Variants in RABGAP1L observed in about 807,000 individuals in gnomAD.
RABGAP1L encodes the protein rab GTPase-activating protein 1-like.
Under a neutral mutation model 137.7 loss-of-function variants are expected in RABGAP1L, and 63 were observed. The ratio of observed to expected loss-of-function variants is 0.46; its 90% CI spans 0.37 to 0.56. The LOEUF (loss-of-function observed/expected upper bound fraction) is 0.56. RABGAP1L is among the 20% of genes least tolerant of loss of function. The pLI, the probability that RABGAP1L is intolerant of heterozygous loss-of-function variation, is 0.00. For synonymous variants in RABGAP1L, 431 were observed against 433.7 expected (o/e 0.99, Z 0.08); for missense variants, 1,095 against 1,244.0 (o/e 0.88, Z 1.80).
chr1:174,388,054 T>C (rs1686946146), intron 12 of RABGAP1L, among the ~76,000 whole-genome samples: 1 of 152,102 alleles, frequency 6.6e-6, no homozygotes, highest in Non-Finnish European at 1.5e-5. Context: ...ATTTCCTAAG[T>C]GTCGGGAAAA....
chr1:174,534,077 T>G (rs892461628), intron 13 of RABGAP1L, among the ~76,000 whole-genome samples: 14 of 151,656 alleles, frequency 9.2e-5, no homozygotes, highest in African/African-American at 3.4e-4. Flanking sequence ...ATACATGGAT[T>G]TTTGACTGTG....
At chr1:174,622,440 A>T (rs1390870054) in intron 13 of RABGAP1L, among the ~76,000 whole-genome samples, 1 of 152,208 alleles carries the variant, frequency 6.6e-6, no homozygotes, top group Non-Finnish European at 1.5e-5. Flanking sequence ...AATAGCAAAG[A>T]CTTGGAACCA....
At chr1:174,227,779 C>T (rs1428027129) in intron 3 of RABGAP1L, among the ~76,000 whole-genome samples, 2 of 151,662 alleles carry the variant, frequency 1.3e-5, no homozygotes, top group Non-Finnish European at 2.9e-5. Context: ...TCTTTTGTTA[C>T]CTTCTAGATT....
intron 18 of RABGAP1L, among the ~76,000 whole-genome samples, chr1:174,809,937 A>C (rs1224459392): frequency 2.0e-5 from 3 of 152,206 alleles, no homozygotes; most frequent in East Asian, 3.9e-4. Context: ...CATGCTAAGC[A>C]TTCTCCACCA....
chr1:174,635,137 A>G (rs917395449), intron 13 of RABGAP1L, among the ~76,000 whole-genome samples: 2 of 152,114 alleles, frequency 1.3e-5, no homozygotes, highest in African/African-American at 4.8e-5. Flanking sequence ...TCTTTTTACC[A>G]ATTTTTCTTT....
chr1:174,608,225 T>C (rs1253785336), intron 13 of RABGAP1L, among the ~76,000 whole-genome samples: 2 of 152,182 alleles, frequency 1.3e-5, no homozygotes, highest in Non-Finnish European at 2.9e-5. Flanking sequence ...ATACTCTGCC[T>C]TTCTGCCTTG....
intron 19 of RABGAP1L, among the ~76,000 whole-genome samples, chr1:174,850,870 A>G (rs1648192763): frequency 6.6e-6 from 1 of 152,266 alleles, no homozygotes; most frequent in African/African-American, 2.4e-5. Flanking sequence ...AGAAGGACTC[A>G]GTGTGCAATA....
chr1:174,393,843 G>T, intron 12 of RABGAP1L, 152 bp from the exon 13 acceptor site: 1 of 670,892 alleles, frequency 1.5e-6, no homozygotes. Context: ...ATATAACTGA[G>T]CTTAAGCAGT....
intron 13 of RABGAP1L, among the ~76,000 whole-genome samples, chr1:174,430,681 A>G (rs899586849): frequency 1.3e-5 from 2 of 152,230 alleles, no homozygotes; most frequent in Non-Finnish European, 2.9e-5. Flanking sequence ...ACATTTATTC[A>G]GTGCTCAACA....
chr1:174,835,323 G>A (rs1446414248), intron 19 of RABGAP1L, among the ~76,000 whole-genome samples: 2 of 152,154 alleles, frequency 1.3e-5, no homozygotes, highest in South Asian at 2.1e-4. Context: ...TAAAACTAAA[G>A]AGGTTTTTAA....
chr1:174,480,710 A>G (rs138541099), intron 13 of RABGAP1L, among the ~76,000 whole-genome samples: 7 of 152,372 alleles, frequency 4.6e-5, no homozygotes, highest in African/African-American at 1.7e-4. Flanking sequence ...AAGGATATCT[A>G]TCACACAAAA....
At chr1:174,665,963 A>G (rs1483471390) in intron 14 of RABGAP1L, among the ~76,000 whole-genome samples, 1 of 152,212 alleles carries the variant, frequency 6.6e-6, no homozygotes, top group East Asian at 1.9e-4. Flanking sequence ...CTTGCGTACT[A>G]TATTAAGTAA....
At chr1:174,560,280 T>C (rs1414034791) in intron 13 of RABGAP1L, among the ~76,000 whole-genome samples, 1 of 152,208 alleles carries the variant, frequency 6.6e-6, no homozygotes, top group African/African-American at 2.4e-5. Flanking sequence ...TGTCTCCACC[T>C]TCACCCCCTC....
At chr1:174,795,756 A>G (rs1688197194) in intron 18 of RABGAP1L, among the ~76,000 whole-genome samples, 1 of 152,136 alleles carries the variant, frequency 6.6e-6, no homozygotes, top group Non-Finnish European at 1.5e-5. Context: ...ATAATTATTT[A>G]TAGAGACAAG....
chr1:174,475,589 T>A (rs1350816871), intron 13 of RABGAP1L, among the ~76,000 whole-genome samples: 2 of 151,914 alleles, frequency 1.3e-5, no homozygotes, highest in Non-Finnish European at 2.9e-5. Context: ...TTTGAAAGGA[T>A]GCCAAGCAAG....
At chr1:174,794,582 A>G (rs1481688037) in intron 18 of RABGAP1L, among the ~76,000 whole-genome samples, 1 of 152,238 alleles carries the variant, frequency 6.6e-6, no homozygotes, top group Admixed American at 6.5e-5. Flanking sequence ...TCATACAGCT[A>G]GTAAATGTGA....
intron 19 of RABGAP1L, among the ~76,000 whole-genome samples, chr1:174,929,052 A>G (rs1468700925): frequency 6.6e-6 from 1 of 151,168 alleles, no homozygotes; most frequent in Non-Finnish European, 1.5e-5. Flanking sequence ...AACATCACAC[A>G]CTGGGGCCTG....
intron 17 of RABGAP1L, among the ~76,000 whole-genome samples, chr1:174,720,086 GTAA>G (rs1331439519): frequency 7.9e-5 from 12 of 152,112 alleles, no homozygotes; most frequent in African/African-American, 2.9e-4. Flanking sequence ...AAACTGCATG[GTAA>G]TGGCATAGGT....
chr1:174,657,161 G>A lies in RABGAP1L; in HGVS notation c.1824+19673G>A, dbSNP rs371668147. On this transcript the variant is annotated intron_variant, in intron 14 of 25. Transcript: ENST00000681986. ...CAATTTTTTATTGTGTATAGTTAGG[G>A]TTACATAGTGGTATTTTGATACATA... is the stretch of plus-strand genomic sequence containing the variant. 1.3e-5 allele frequency among the ~76,000 whole-genome samples: 2 copies of A among 152,050 alleles called. 1 individual carries two copies. The highest frequency in any genetic ancestry group is 2.9e-5 in the Non-Finnish European group (2 of 68,006).
Sources: gnomAD v4.1 joint callset for allele counts (sites outside exome capture counted in the v4.1 genomes callset) on GRCh38, gnomAD v4.1.1 for gene constraint, MANE v1.5 for transcripts, NCBI Gene and HGNC (gene_info 2026-07-23, HGNC 2026-07-21) for gene names.